The following SORCS2 variants were observed in gnomAD, a reference collection of about 807,000 sequenced individuals.
SORCS2 encodes VPS10 domain-containing receptor SorCS2.
In SORCS2, 100 loss-of-function variants were observed where a neutral mutation model predicts 141.6. The observed-to-expected ratio is 0.71, with a 90% CI of 0.60 to 0.83. SORCS2 has a LOEUF of 0.83. Among genes scored for constraint, SORCS2 ranks in the 40% least tolerant of loss-of-function variants. The pLI is 0.00. For synonymous variants in SORCS2, 789 were observed against 676.9 expected, an observed-to-expected ratio of 1.17 and a Z score of -2.57; for missense variants, 1,646 against 1,560.2, an observed-to-expected ratio of 1.05 and a Z score of -0.93.
In SORCS2 at chr4:7,455,413, C is replaced by G. The variant is rs543097912; in HGVS notation, c.548+59058C>G. Among the ~76,000 whole-genome samples, 254 of 101,962 alleles carry G rather than the reference C, an allele frequency of 2.5e-3. 1 individual carries two copies. Among genetic ancestry groups the G allele is most frequent in the African/African-American group, 9.7e-3 (234 of 24,228 alleles). 66.9% of individuals were successfully genotyped at this position (101,962 alleles called of 152,430 possible). A position where few individuals can be genotyped will look rare whatever the true frequency, so the allele number is the denominator to read the frequency against. On this transcript the variant is annotated intron_variant, in intron 2 of 26. Transcript: ENST00000507866. Reference sequence around the variant, plus strand: ...TCAGGTGCTGTGTTGGGGTCAGGCACTGTGTTGGGGTCAGTGCTGTGTGTT... The same window carrying G: ...TCAGGTGCTGTGTTGGGGTCAGGCAGTGTGTTGGGGTCAGTGCTGTGTGTT...
rs1199954885 is a variant in SORCS2, at chr4:7,233,642, A to G, written c.480+40516A>G. ...CAGCGCTTCTCAGGTGGGACGTTCTAAGGTCCCCAGGTAATACTGGCCTGG... is the reference window on the plus strand; with the variant it reads ...CAGCGCTTCTCAGGTGGGACGTTCTGAGGTCCCCAGGTAATACTGGCCTGG... On this transcript the variant is annotated intron_variant, in intron 1 of 26. Transcript: ENST00000507866. The surrounding 1 kb of genome is among the most constrained non-coding windows in gnomAD (Gnocchi z 4.5). Among the ~76,000 whole-genome samples, 1 of 152,062 alleles carries G rather than the reference A, an allele frequency of 6.6e-6. No individual in the cohort carries two copies. Among genetic ancestry groups the G allele is most frequent in the Non-Finnish European group, 1.5e-5 (1 of 68,008 alleles).
chr4:7,502,733 C>G (rs1344294495), intron 2 of SORCS2, among the ~76,000 whole-genome samples: 2 of 152,252 alleles, frequency 1.3e-5, no homozygotes, highest in African/African-American at 2.4e-5. Context: ...CCAGGTCTCA[C>G]GACGCTCCAT....
chr4:7,268,000 T>C (rs1714862086), intron 1 of SORCS2, among the ~76,000 whole-genome samples: 1 of 152,192 alleles, frequency 6.6e-6, no homozygotes, highest in Non-Finnish European at 1.5e-5. Context: ...AGCCGGAAGA[T>C]GCAGGCCCGC....
At chr4:7,658,362 GTGCCCCAGGTGTCAT>G (rs1721941811) in intron 5 of SORCS2, among the ~76,000 whole-genome samples, 1 of 151,094 alleles carries the variant, frequency 6.6e-6, no homozygotes, top group East Asian at 1.9e-4. Context: ...GAGGGAGCCT[GTGCCCCAGGTGTCAT>G]TGCCCCTCTT....
chr4:7,359,907 C>G (rs545231066), intron 1 of SORCS2, among the ~76,000 whole-genome samples: 8 of 152,224 alleles, frequency 5.3e-5, no homozygotes, highest in African/African-American at 1.9e-4. Flanking sequence ...CAGCCTGGGG[C>G]AAGGGAGGGT....
At position 7,462,677 on chromosome 4, in the gene SORCS2, G is replaced by A. The variant is rs543206436; in HGVS notation, c.548+66322G>A. ...CCTCTTGTTCATCCTGGCGACCTCA[G>A]TCCCTGGCTCTGGGTCTGGCACGCA... On this transcript the variant is annotated intron_variant, in intron 2 of 26. Transcript: ENST00000507866. Among the ~76,000 whole-genome samples the A allele has an allele frequency of 2.6e-5, 4 of 151,950 alleles. No individual in the cohort carries two copies. In the South Asian group the frequency reaches 8.5e-4, roughly 32 times the overall value.
At chr4:7,609,122 C>A (rs1020723424) in intron 3 of SORCS2, among the ~76,000 whole-genome samples, 5 of 152,124 alleles carry the variant, frequency 3.3e-5, no homozygotes, top group Non-Finnish European at 7.4e-5. Context: ...GGCGTGGGGT[C>A]AGACTCTACT....
intron 4 of SORCS2, among the ~76,000 whole-genome samples, chr4:7,641,809 G>GATGA (rs1491176545): frequency 2.2e-5 from 3 of 139,306 alleles, no homozygotes; most frequent in East Asian, 2.8e-4. Flanking sequence ...TGGATGGATG[G>GATGA]ATGGATGGGT....
At chr4:7,543,240 CAG>C (rs1181015678) in intron 3 of SORCS2, among the ~76,000 whole-genome samples, 1 of 152,182 alleles carries the variant, frequency 6.6e-6, no homozygotes, top group African/African-American at 2.4e-5. Flanking sequence ...AACGGGGTGA[CAG>C]AGAGTGAGAG....
chr4:7,676,905 TCC>T (rs567270085), intron 9 of SORCS2, among the ~76,000 whole-genome samples: 86 of 8,302 alleles, frequency 0.01, 13 homozygotes, highest in African/African-American at 0.02. Flanking sequence ...TCTCTCTCTC[TCC>T]CTCTCTCCCT....
At chr4:7,728,120 T>C (rs1472698294) in intron 21 of SORCS2, among the ~76,000 whole-genome samples, 2 of 152,200 alleles carry the variant, frequency 1.3e-5, no homozygotes, top group African/African-American at 2.4e-5. Context: ...GGGTCCTGCC[T>C]GGGACAGACC....
chr4:7,737,081 C>G lies in SORCS2; in HGVS notation c.3324C>G (p.Gly1108=), dbSNP rs927078094. The G allele has an allele frequency of 1.3e-5, 20 of 1,551,140 alleles. No homozygotes were observed. In the African/African-American group the frequency reaches 2.3e-4, roughly 18 times the overall value. Residue 1108 remains glycine (G), a synonymous_variant, in exon 26 of 27, where the codon GGC becomes GGG. Transcript: ENST00000507866. ...CTCTGTCCAGCAGGAAACGGCCAGGCAGGACCGTGTACGCCCAAATGCACA... is the reference window on the plus strand; with the variant it reads ...CTCTGTCCAGCAGGAAACGGCCAGGGAGGACCGTGTACGCCCAAATGCACA... ...ILYKFKRKRP[G]RTVYAQMHNE...
intron 3 of SORCS2, among the ~76,000 whole-genome samples, chr4:7,618,843 CACACACACACACACAA>C (rs1312546319): frequency 1.3e-5 from 2 of 148,278 alleles, no homozygotes; most frequent in Non-Finnish European, 3.0e-5. Context: ...CGCAAACACA[CACACACACACACACAA>C]ACACACACAC....
chr4:7,512,631 C>T (rs1007549079), intron 2 of SORCS2, among the ~76,000 whole-genome samples: 2 of 152,068 alleles, frequency 1.3e-5, no homozygotes, highest in Non-Finnish European at 2.9e-5. Flanking sequence ...TTTCAACAGG[C>T]AGGACAGCAG....
At chr4:7,421,883 G>A (rs188822235) in intron 2 of SORCS2, among the ~76,000 whole-genome samples, 9 of 145,518 alleles carry the variant, frequency 6.2e-5, no homozygotes, top group Non-Finnish European at 1.1e-4. Flanking sequence ...GGGCTGGGGC[G>A]GGCTTGCAGG....
intron 1 of SORCS2, among the ~76,000 whole-genome samples, chr4:7,281,949 G>A (rs1443455993): frequency 6.6e-6 from 1 of 152,162 alleles, no homozygotes; most frequent in Non-Finnish European, 1.5e-5. Flanking sequence ...CTGGGCACAC[G>A]CCAGTGTGTG....
chr4:7,472,372 G>A (rs1026947733), intron 2 of SORCS2, among the ~76,000 whole-genome samples: 4 of 152,186 alleles, frequency 2.6e-5, no homozygotes, highest in African/African-American at 9.7e-5. Flanking sequence ...AGGAGCAGGG[G>A]TCCAGGCAAA....
Position 7,723,711 on chromosome 4 carries a change from T to C in SORCS2, c.2439T>C (p.Thr813=). The change falls in exon 19 of 27, where the codon ACT becomes ACC. Residue 813 remains threonine, a synonymous_variant. Coordinates refer to ENST00000507866, the MANE Select transcript of SORCS2 (RefSeq NM_020777.3). ...TTTCTCTGCAGGGTGATGTCCTGACTACCAAGTACCAGGTAGACCTTGGGG... is the reference window on the plus strand; with the variant it reads ...TTTCTCTGCAGGGTGATGTCCTGACCACCAAGTACCAGGTAGACCTTGGGG... The part of the protein sequence containing the change: ...VVRQEQGDVL[T]TKYQVDLGDG... 1 of 1,613,948 alleles carries C rather than the reference T, an allele frequency of 6.2e-7. No individual in the cohort carries two copies. Among genetic ancestry groups the C allele is most frequent in the East Asian group, 2.2e-5 (1 of 44,884 alleles).
At chr4:7,531,168 C>T (rs1366267951) in intron 2 of SORCS2, among the ~76,000 whole-genome samples, 1 of 152,204 alleles carries the variant, frequency 6.6e-6, no homozygotes, top group Non-Finnish European at 1.5e-5. Context: ...GTGAACTATC[C>T]CTTTGGAGGC....
Sources: gnomAD v4.1 joint callset for allele counts (sites outside exome capture counted in the v4.1 genomes callset) on GRCh38, gnomAD v4.1.1 for gene constraint, Gnocchi (gnomAD v3.1) non-coding constraint, MANE v1.5 for transcripts, NCBI Gene and HGNC (gene_info 2026-07-23, HGNC 2026-07-21) for gene names.